The following ACTR3C variants were observed in gnomAD, a reference collection of about 807,000 sequenced individuals.
ACTR3C encodes actin-related protein 3C.
ACTR3C carries 18 observed loss-of-function variants against 26.3 expected under a neutral mutation model. That is an observed-to-expected ratio of 0.68 (90% CI 0.47 to 1.01). The LOEUF is 1.01. ACTR3C is among the 50% of genes least tolerant of loss of function. The probability of loss-of-function intolerance (pLI) is 0.00; values close to 1 mark genes in which losing one functional copy is unlikely to be tolerated. For synonymous variants in ACTR3C, 55 were observed against 94.5 expected (o/e 0.58, Z 2.42); for missense variants, 184 against 250.7 (o/e 0.73, Z 1.80).
chr7:150,267,287 A>G (rs1474703253), intron 6 of ACTR3C, among the ~76,000 whole-genome samples: 1 of 152,262 alleles, frequency 6.6e-6, no homozygotes, highest in East Asian at 1.9e-4. Flanking sequence ...ACCCGTGGTC[A>G]GCCACAGTCT....
intron 5 of ACTR3C, among the ~76,000 whole-genome samples, chr7:150,285,361 T>C (rs1835691218): frequency 6.6e-6 from 1 of 152,258 alleles, no homozygotes; most frequent in Admixed American, 6.5e-5. Flanking sequence ...AATCATGTTA[T>C]TGAATAAACA....
At chr7:150,037,846 T>A in the ACTR3C span, among the ~76,000 whole-genome samples, 16 of 77,778 alleles carry the variant, frequency 2.1e-4, 3 homozygotes, top group Non-Finnish European at 4.3e-4. Flanking sequence ...TCGCGGAGGG[T>A]GCCTCCGCCC....
At chr7:150,045,534 C>T in the ACTR3C span, among the ~76,000 whole-genome samples, 10 of 150,960 alleles carry the variant, frequency 6.6e-5, no homozygotes, top group Non-Finnish European at 1.0e-4. Context: ...ACACAATACA[C>T]GCCCACCCAC....
downstream of ACTR3C, among the ~76,000 whole-genome samples, chr7:150,242,511 G>A (rs1308002635): frequency 1.3e-5 from 2 of 151,482 alleles, no homozygotes; most frequent in African/African-American, 4.9e-5. Context: ...TAAAATATGT[G>A]CATTCTATTG....
chr7:149,905,518 T>C, the ACTR3C span, among the ~76,000 whole-genome samples: 1 of 150,612 alleles, frequency 6.6e-6, no homozygotes, highest in Non-Finnish European at 1.5e-5. Context: ...GACTGAAAAG[T>C]ATTACTATAT....
chr7:149,929,116 A>G, the ACTR3C span, among the ~76,000 whole-genome samples: 1 of 152,194 alleles, frequency 6.6e-6, no homozygotes, highest in Non-Finnish European at 1.5e-5. Flanking sequence ...CCATCACCAT[A>G]ATTAGTAATT....
the ACTR3C span, among the ~76,000 whole-genome samples, chr7:150,202,294 C>G: frequency 6.6e-6 from 1 of 151,866 alleles, no homozygotes; most frequent in African/African-American, 2.4e-5. Context: ...AATGTGTGAG[C>G]CAGGAAATAT....
chr7:150,060,288 C>G, the ACTR3C span, among the ~76,000 whole-genome samples: 1 of 150,584 alleles, frequency 6.6e-6, no homozygotes, highest in East Asian at 1.9e-4. Flanking sequence ...AGCGTGCTGC[C>G]TTATCTTGCA....
At chr7:149,915,096 T>G in the ACTR3C span, among the ~76,000 whole-genome samples, 17,747 of 151,990 alleles carry the variant, frequency 0.12, 3,299 homozygotes, top group African/African-American at 0.39. Flanking sequence ...GCCAGGCTAG[T>G]CTGGAACTCC....
chr7:150,023,302 G>C, the ACTR3C span, among the ~76,000 whole-genome samples: 89 of 42,568 alleles, frequency 2.1e-3, 2 homozygotes, highest in Middle Eastern at 0.014. Flanking sequence ...TAGATAGATA[G>C]ATAGATAGAT....
At chr7:149,982,401 TTAAA>T in the ACTR3C span, among the ~76,000 whole-genome samples, 1 of 152,114 alleles carries the variant, frequency 6.6e-6, no homozygotes. Flanking sequence ...ACCTCAATAA[TTAAA>T]TAAAGGTTAG....
At chr7:150,037,945 G>A in the ACTR3C span, among the ~76,000 whole-genome samples, 4,342 of 133,808 alleles carry the variant, frequency 0.032, 265 homozygotes, top group South Asian at 0.058. Flanking sequence ...CCCTGCGATG[G>A]CGGTGCAAAG....
chr7:150,284,339 G>A (rs1584924159), intron 6 of ACTR3C, among the ~76,000 whole-genome samples: 1 of 152,212 alleles, frequency 6.6e-6, no homozygotes, highest in South Asian at 2.1e-4. Flanking sequence ...TCAGGAGTTC[G>A]AGACCAGCCT....
chr7:150,245,607 G>A (rs376397251), downstream of ACTR3C: 1 of 152,116 alleles, frequency 6.6e-6, no homozygotes, highest in Non-Finnish European at 1.5e-5. Flanking sequence ...TGTAATTTCT[G>A]TGTGCCCAAG....
the ACTR3C span, among the ~76,000 whole-genome samples, chr7:150,108,538 AC>A: frequency 6.7e-6 from 1 of 150,120 alleles, no homozygotes; most frequent in Non-Finnish European, 1.5e-5. Flanking sequence ...TGTGCTGGAA[AC>A]TTAATCCCCA....
chr7:150,228,523 T>A, the ACTR3C span, among the ~76,000 whole-genome samples: 1 of 152,148 alleles, frequency 6.6e-6, no homozygotes, highest in African/African-American at 2.4e-5. Flanking sequence ...AGGGTCTACA[T>A]AAGAGGAAGG....
downstream of ACTR3C, among the ~76,000 whole-genome samples, chr7:150,241,822 C>A (rs1832191416): frequency 1.3e-5 from 2 of 152,144 alleles, no homozygotes; most frequent in Non-Finnish European, 2.9e-5. Flanking sequence ...GAGGACTCAG[C>A]AGACACTTTA....
In ACTR3C at chr7:150,253,381, G is replaced by C. The variant is rs569546805; in HGVS notation, c.565-4327C>G. ...AAGTCTCCTGATGTCCACTGAAGCT[G>C]TTTGGGGTTTTTGTTTTTACCCGAT... On this transcript the variant is annotated intron_variant, in intron 6 of 7. Transcript: ENST00000683684. Among the ~76,000 whole-genome samples, 11 of 152,270 alleles carry C rather than the reference G, an allele frequency of 7.2e-5. No homozygotes were observed. The South Asian group carries it at 1.0e-3, about 14-fold the overall frequency.
At chr7:149,973,731 C>T in the ACTR3C span, among the ~76,000 whole-genome samples, 6 of 149,346 alleles carry the variant, frequency 4.0e-5, no homozygotes, top group Admixed American at 6.7e-5. Context: ...CCTCATTTTC[C>T]CCTGTTATAA....
Sources: allele counts gnomAD v4.1 joint callset (sites outside exome capture counted in the v4.1 genomes callset), GRCh38; gene constraint gnomAD v4.1.1; transcripts MANE v1.5; gene names NCBI Gene and HGNC (gene_info 2026-07-23, HGNC 2026-07-21).